Variants in ADAMTS16 observed in about 807,000 individuals in gnomAD.
ADAMTS16 encodes ADAM metallopeptidase with thrombospondin type 1 motif 16.
A neutral mutation model predicts 145.8 loss-of-function variants in ADAMTS16; 94 were observed. That is an observed-to-expected ratio of 0.64 (90% CI 0.55 to 0.77). The LOEUF is 0.77. Ranked by LOEUF, ADAMTS16 falls within the 30% of genes least tolerant of loss-of-function variation. The pLI is 0.00. For synonymous variants in ADAMTS16, 659 were observed against 604.3 expected, an observed-to-expected ratio of 1.09 and a Z score of -1.33; for missense variants, 1,585 against 1,591.5, an observed-to-expected ratio of 1.00 and a Z score of 0.07.
chr5:5,247,389 A>C (rs1049641679), intron 17 of ADAMTS16, among the ~76,000 whole-genome samples: 2 of 152,148 alleles, frequency 1.3e-5, no homozygotes, highest in African/African-American at 4.8e-5. Context: ...TCTTCCCAAA[A>C]AAGCAGAGAG....
rs571861251 is a variant in ADAMTS16, at chr5:5,227,262, C to T, written c.1701+4378C>T. On this transcript the variant is annotated intron_variant, in intron 11 of 22. Transcript: ENST00000274181. The stretch of plus-strand genomic sequence containing the variant: ...ATCTACTGCGTTTAGGTGTGACGTG[C>T]TTATTTTGTGAACAGTAATCGCCAC... Among the ~76,000 whole-genome samples, 17 of 152,300 alleles carry T rather than the reference C, an allele frequency of 1.1e-4. No individual in the cohort carries two copies. In the East Asian group the frequency reaches 2.7e-3, roughly 24 times the overall value.
Position 5,235,336 on chromosome 5 carries a change from AT to A in ADAMTS16, c.2023+154del, listed in dbSNP as rs1412815527. ...ATATTCTCTTCTGGAGGTTAGTTTT[AT>A]TTTGCCAGCCCCACCATCACGACCT... On this transcript the variant is annotated intron_variant, in intron 13 of 22. Coordinates refer to ENST00000274181, the MANE Select transcript of ADAMTS16 (RefSeq NM_139056.4). 32 of 834,098 alleles carry A rather than the reference AT, an allele frequency of 3.8e-5. No homozygotes were observed. The Admixed American group carries it at 8.0e-4, about 21-fold the overall frequency. 51.7% of individuals were successfully genotyped at this position (834,098 alleles called of 1,614,324 possible).
At chr5:5,278,832 T>A (rs561550712) in intron 18 of ADAMTS16, among the ~76,000 whole-genome samples, 33 of 152,262 alleles carry the variant, frequency 2.2e-4, no homozygotes, top group Non-Finnish European at 4.1e-4. Flanking sequence ...CATAATGTAT[T>A]TTAAATGATA....
At chr5:5,211,155 A>G (rs1736263837) in intron 10 of ADAMTS16, among the ~76,000 whole-genome samples, 1 of 152,174 alleles carries the variant, frequency 6.6e-6, no homozygotes, top group Non-Finnish European at 1.5e-5. Flanking sequence ...TTTGTAAAAG[A>G]TTGGTGTTGT....
chr5:5,297,243 G>A lies in ADAMTS16; in HGVS notation c.2790-6025G>A, dbSNP rs139211359. ...GACAGAGGTGTCTGTAAGCAATGGC[G>A]TATATGGCTGTGGATCACAGCAGAG... On this transcript the variant is annotated intron_variant, in intron 18 of 22. Transcript: ENST00000274181. 5.1e-4 allele frequency among the ~76,000 whole-genome samples: 77 copies of A among 152,282 alleles called. 1 individual carries two copies. In the South Asian group the frequency reaches 5.8e-3, roughly 11 times the overall value.
At position 5,227,539 on chromosome 5, in the gene ADAMTS16, G is replaced by A. The variant is rs866709939; in HGVS notation, c.1701+4655G>A. Among the ~76,000 whole-genome samples the A allele has an allele frequency of 6.6e-5, 7 of 105,714 alleles. 1 individual carries two copies. The highest frequency in any genetic ancestry group is 3.2e-4 in the African/African-American group (7 of 21,556). 69.4% of individuals were successfully genotyped at this position (105,714 alleles called of 152,430 possible). Reference sequence around the variant, plus strand: ...TGTGTGTGTGTGTGTGTGTGTGTGTGTGTGTGTGTCTCTACATGCACTTAT... The same window carrying A: ...TGTGTGTGTGTGTGTGTGTGTGTGTATGTGTGTGTCTCTACATGCACTTAT... On this transcript the variant is annotated intron_variant, in intron 11 of 22. Transcript: ENST00000274181.
At chr5:5,268,549 C>T (rs116567108) in intron 18 of ADAMTS16, among the ~76,000 whole-genome samples, 3,223 of 152,288 alleles carry the variant, frequency 0.021, 36 homozygotes, top group Non-Finnish European at 0.032. Context: ...TCCCCTGATT[C>T]GGTCTCTCAC....
chr5:5,235,724 A>C (rs1737088238), intron 13 of ADAMTS16, among the ~76,000 whole-genome samples: 1 of 152,240 alleles, frequency 6.6e-6, no homozygotes, highest in African/African-American at 2.4e-5. Context: ...TGTTGTTTTC[A>C]TGATTAAAAT....
intron 3 of ADAMTS16, among the ~76,000 whole-genome samples, chr5:5,174,910 T>G (rs1735146974): frequency 1.3e-5 from 2 of 152,194 alleles, no homozygotes; most frequent in African/African-American, 2.4e-5. Context: ...CTGCCAGGAC[T>G]GAGACTCACC....
rs922330938 is a variant in ADAMTS16 at position 5,240,040 on chromosome 5, T to C, written c.2523+115T>C. Reference sequence around the variant, plus strand: ...AGAATGTAAACAGTTATAAAAAGAGTGATCCATCCATAGCCGGAATGAGGC... The same window carrying C: ...AGAATGTAAACAGTTATAAAAAGAGCGATCCATCCATAGCCGGAATGAGGC... On this transcript the variant is annotated intron_variant, in intron 16 of 22. Coordinates refer to ENST00000274181, the MANE Select transcript of ADAMTS16 (RefSeq NM_139056.4). 5.7e-5 allele frequency: 84 copies of C among 1,475,882 alleles called. No individual in the cohort carries two copies. The Admixed American group carries it at 6.1e-4, about 11-fold the overall frequency. The allele number at this position is 1,475,882 out of a possible 1,614,324, so 91.4% of individuals were successfully genotyped here.
At chr5:5,216,896 G>T in intron 10 of ADAMTS16, among the ~76,000 whole-genome samples, 1 of 151,346 alleles carries the variant, frequency 6.6e-6, no homozygotes, top group East Asian at 2.0e-4. Flanking sequence ...TGAGAATGAC[G>T]ATTTCCAATT....
intron 3 of ADAMTS16, among the ~76,000 whole-genome samples, chr5:5,164,101 A>G (rs270181): frequency 1 from 151,795 of 152,330 alleles, 75,650 homozygotes; most frequent in Middle Eastern, 1. Flanking sequence ...TATCATGGGT[A>G]GATATGCAGA....
intron 9 of ADAMTS16, among the ~76,000 whole-genome samples, chr5:5,200,721 T>G (rs1735931715): frequency 6.6e-6 from 1 of 152,148 alleles, no homozygotes; most frequent in African/African-American, 2.4e-5. Flanking sequence ...TTTTTCTTCC[T>G]TTCTCTCTCA....
At chr5:5,258,097 A>G (rs1737856821) in intron 17 of ADAMTS16, among the ~76,000 whole-genome samples, 1 of 152,190 alleles carries the variant, frequency 6.6e-6, no homozygotes, top group Non-Finnish European at 1.5e-5. Context: ...GGATGTGTTT[A>G]CCAACTACCA....
intron 10 of ADAMTS16, among the ~76,000 whole-genome samples, chr5:5,221,122 A>T (rs1188403898): frequency 6.6e-6 from 1 of 152,000 alleles, no homozygotes; most frequent in African/African-American, 2.4e-5. Flanking sequence ...TGTGGTTTTA[A>T]GGGAGTTTAT....
At chr5:5,187,977 G>A (rs1220938005) in intron 6 of ADAMTS16, among the ~76,000 whole-genome samples, 169 bp downstream of exon 6, 1 of 152,042 alleles carries the variant, frequency 6.6e-6, no homozygotes, top group African/African-American at 2.4e-5. Flanking sequence ...CCTTTTAAAT[G>A]TTTTTTGGAT....
chr5:5,167,558 G>A (rs1014950700), intron 3 of ADAMTS16, among the ~76,000 whole-genome samples: 23 of 152,314 alleles, frequency 1.5e-4, no homozygotes, highest in African/African-American at 4.6e-4. Flanking sequence ...CTAGGTTGGC[G>A]TGTTCTAAAT....
intron 10 of ADAMTS16, among the ~76,000 whole-genome samples, chr5:5,215,892 A>G (rs767806601): frequency 0.013 from 1,729 of 130,526 alleles, 50 homozygotes; most frequent in Non-Finnish European, 0.018. Context: ...ATATATATAT[A>G]TATATATATA....
At chr5:5,294,037 T>A (rs565225697) in intron 18 of ADAMTS16, among the ~76,000 whole-genome samples, 15 of 152,270 alleles carry the variant, frequency 9.9e-5, no homozygotes, top group South Asian at 8.3e-4. Flanking sequence ...CCATGGAGTG[T>A]TTCATATATT....
Sources: allele counts gnomAD v4.1 joint callset (sites outside exome capture counted in the v4.1 genomes callset), GRCh38; gene constraint gnomAD v4.1.1; transcripts MANE v1.5; gene names NCBI Gene and HGNC (gene_info 2026-07-23, HGNC 2026-07-21).